ATG12: variants seen among roughly 807,000 people sequenced by gnomAD.
ATG12 encodes the protein ubiquitin-like protein ATG12.
In ATG12, 19 loss-of-function variants were observed where a neutral mutation model predicts 17.6. The observed-to-expected ratio is 1.08, with a 90% CI of 0.75 to 1.58. ATG12 has a LOEUF of 1.58. Ranked by LOEUF, ATG12 falls within the 40% of genes most tolerant of loss-of-function variation. The pLI, the probability that ATG12 is intolerant of heterozygous loss-of-function variation, is 0.00. For missense variants in ATG12, 214 were observed against 162.0 expected, an observed-to-expected ratio of 1.32 and a Z score of -1.74; for synonymous variants, 75 against 62.4, an observed-to-expected ratio of 1.20 and a Z score of -0.95.
rs903140763 is a variant in ATG12, at chr5:115,831,738, CTTTTCA to C, written c.*60_*65del. ...AAGTCTCTTGCCACAAGCATCAAAA[CTTTTCA>C]GAGCTGTCTCTTCCGTGAAAATCCA... On this transcript the variant is annotated 3_prime_UTR_variant, in exon 4 of 4. Transcript: ENST00000509910. 39 of 1,513,252 alleles carry C rather than the reference CTTTTCA, an allele frequency of 2.6e-5. No individual in the cohort carries two copies. Among genetic ancestry groups the C allele is most frequent in the Non-Finnish European group, 3.4e-5 (37 of 1,100,066 alleles). 93.7% of individuals were successfully genotyped at this position (1,513,252 alleles called of 1,614,324 possible). A position where few individuals can be genotyped will look rare whatever the true frequency, so the allele number is the denominator to read the frequency against.
intron 1 of ATG12, chr5:115,838,027 AAT>A: frequency 3.2e-6 from 1 of 315,028 alleles, no homozygotes; most frequent in Non-Finnish European, 5.8e-6. Flanking sequence ...ACAAATGATC[AAT>A]ACACAAACAA....
chr5:115,841,217 C>T (rs1761445566), intron 1 of ATG12, 173 bp downstream of exon 1: 2 of 800,342 alleles, frequency 2.5e-6, no homozygotes, highest in Admixed American at 5.7e-5. Flanking sequence ...TATTTTAACA[C>T]TCAACTTAAA....
Position 115,830,316 on chromosome 5 carries a change from T to C in ATG12, c.*1488A>G, listed in dbSNP as rs768321991. ...ATTTTCGATTTTTTGAGGTCTATCATCTGAACCCTCAGTGGCAAACAATAC... is the reference window on the plus strand; with the variant it reads ...ATTTTCGATTTTTTGAGGTCTATCACCTGAACCCTCAGTGGCAAACAATAC... On this transcript the variant is annotated 3_prime_UTR_variant, in exon 4 of 4. Transcript: ENST00000509910. 3.9e-5 allele frequency: 6 copies of C among 152,088 alleles called. No homozygotes were observed. Among genetic ancestry groups the C allele is most frequent in the Non-Finnish European group, 8.8e-5 (6 of 68,002 alleles). 9.4% of individuals were successfully genotyped at this position (152,088 alleles called of 1,614,324 possible).
rs769950972 is a variant in ATG12 at position 115,831,791 on chromosome 5, T to C, written c.*13A>G. 1.6e-5 allele frequency: 25 copies of C among 1,611,218 alleles called. No homozygotes were observed. The highest frequency in any genetic ancestry group is 5.1e-6 in the Non-Finnish European group (6 of 1,178,996). On this transcript the variant is annotated 3_prime_UTR_variant, in exon 4 of 4. Coordinates refer to ENST00000509910, the MANE Select transcript of ATG12 (RefSeq NM_004707.4). ...TCCATTTCATGTAGTAGCAAGTTGA[T>C]TTTCTTTGTGGTTCATCCCCACGCC... is the stretch of plus-strand genomic sequence containing the variant.
intron 2 of ATG12, chr5:115,834,416 C>T (rs1282126313): frequency 6.6e-6 from 1 of 152,170 alleles, no homozygotes; most frequent in Non-Finnish European, 1.5e-5. Flanking sequence ...TAATTTGTTA[C>T]TTTAAAGTAC....
At chr5:115,840,857 T>C (rs1450183768) in intron 1 of ATG12, 4 of 1,275,146 alleles carry the variant, frequency 3.1e-6, no homozygotes, top group East Asian at 5.6e-5. Flanking sequence ...GTAACATCTA[T>C]GCCTTTAGCT....
At chr5:115,834,078 T>TA (rs1279628055) in intron 2 of ATG12, 1 of 152,194 alleles carries the variant, frequency 6.6e-6, no homozygotes, top group African/African-American at 2.4e-5. Flanking sequence ...TACTCTAGCC[T>TA]AGCAAAAGGG....
Position 115,830,263 on chromosome 5 carries a change from T to C in ATG12, c.*1541A>G, listed in dbSNP as rs573808242. 7.0e-6 allele frequency: 1 copy of C among 141,848 alleles called. No homozygotes were observed. The highest frequency in any genetic ancestry group is 2.0e-4 in the East Asian group (1 of 4,922). 8.8% of individuals were successfully genotyped at this position (141,848 alleles called of 1,614,324 possible). On this transcript the variant is annotated 3_prime_UTR_variant, in exon 4 of 4. Transcript: ENST00000509910. ...AGTTATTTAGGTCAAAAAGAATAAC[T>C]AAATGGATGCTACAAATTTCAACCA...
At chr5:115,835,852 C>T (rs1761074829) in intron 2 of ATG12, among the ~76,000 whole-genome samples, 1 of 152,062 alleles carries the variant, frequency 6.6e-6, no homozygotes, top group Non-Finnish European at 1.5e-5. Context: ...GGTTTGTCCC[C>T]ACCAACATGT....
intron 1 of ATG12, chr5:115,839,382 G>C (rs1258301082): frequency 6.6e-6 from 1 of 152,112 alleles, no homozygotes; most frequent in Admixed American, 6.6e-5. Context: ...TTAGGAATAG[G>C]AATGAATTTG....
intron 2 of ATG12, chr5:115,832,899 T>C (rs2112719607): frequency 2.7e-6 from 1 of 377,224 alleles, no homozygotes; most frequent in South Asian, 1.3e-4. Context: ...TTCCTAACTT[T>C]GTATAACTAA....
Position 115,831,611 on chromosome 5 carries a change from G to A in ATG12, c.*193C>T. 3.2e-6 allele frequency: 2 copies of A among 627,570 alleles called. No homozygotes were observed. The highest frequency in any genetic ancestry group is 2.8e-6 in the Non-Finnish European group (1 of 354,530). 38.9% of individuals were successfully genotyped at this position (627,570 alleles called of 1,614,324 possible). A position where few individuals can be genotyped will look rare whatever the true frequency, so the allele number is the denominator to read the frequency against. ...TCATGACCATCTTTTATGATGACTG[G>A]TGCATTAATACAAATCACATTTTTC... On this transcript the variant is annotated 3_prime_UTR_variant, in exon 4 of 4. Coordinates refer to ENST00000509910, the MANE Select transcript of ATG12 (RefSeq NM_004707.4).
intron 2 of ATG12, among the ~76,000 whole-genome samples, chr5:115,836,008 A>C (rs1174421195): frequency 6.6e-6 from 1 of 152,152 alleles, no homozygotes; most frequent in African/African-American, 2.4e-5. Flanking sequence ...ATCTTCCCAG[A>C]ATTCCTAGCA....
Position 115,829,627 on chromosome 5 carries a change from C to T in ATG12, c.*2177G>A, listed in dbSNP as rs193095672. 69 of 152,204 alleles carry T rather than the reference C, an allele frequency of 4.5e-4. No individual in the cohort carries two copies. Among genetic ancestry groups the T allele is most frequent in the African/African-American group, 1.6e-3 (66 of 41,530 alleles). 9.4% of individuals were successfully genotyped at this position (152,204 alleles called of 1,614,324 possible). ...GTCACAAAGAAAATTTAAAATATCA[C>T]CTGAATGTTCAGTTTTTCCCCCAAG... is the stretch of plus-strand genomic sequence containing the variant. On this transcript the variant is annotated 3_prime_UTR_variant, in exon 4 of 4. Coordinates refer to ENST00000509910, the MANE Select transcript of ATG12 (RefSeq NM_004707.4).
chr5:115,840,763 A>C lies in ATG12; in HGVS notation c.163+627T>G, dbSNP rs919668738. 5.1e-6 allele frequency: 6 copies of C among 1,177,974 alleles called. No homozygotes were observed. The African/African-American group carries it at 9.7e-5, about 19-fold the overall frequency. The allele number at this position is 1,177,974 out of a possible 1,614,324, so 73.0% of individuals were successfully genotyped here. A position where few individuals can be genotyped will look rare whatever the true frequency, so the allele number is the denominator to read the frequency against. On this transcript the variant is annotated intron_variant, in intron 1 of 3. Coordinates refer to ENST00000509910, the MANE Select transcript of ATG12 (RefSeq NM_004707.4). The stretch of plus-strand genomic sequence containing the variant: ...AGCAATCTCTTTTACAAAGGGAAAC[A>C]TTCTCAAGCAATAAAGGGTTGAGGA...
intron 2 of ATG12, chr5:115,834,462 A>T (rs1761009111): frequency 6.6e-6 from 1 of 152,240 alleles, no homozygotes; most frequent in African/African-American, 2.4e-5. Flanking sequence ...GTAAAATTCC[A>T]TGGAAGTATT....
At chr5:115,840,331 CTTG>C (rs1192354114) in intron 1 of ATG12, among the ~76,000 whole-genome samples, 4 of 147,388 alleles carry the variant, frequency 2.7e-5, no homozygotes, top group Admixed American at 6.8e-5. Flanking sequence ...GAGTTTCGCT[CTTG>C]TTGTCCAGGC....
chr5:115,839,031 G>A (rs892736432), intron 1 of ATG12: 1 of 151,586 alleles, frequency 6.6e-6, no homozygotes, highest in Non-Finnish European at 1.5e-5. Flanking sequence ...GCTGAGACAG[G>A]GGAATAGCTT....
chr5:115,832,047 A>C (rs899631227), intron 3 of ATG12, among the ~76,000 whole-genome samples, 184 bp from the exon 4 acceptor site: 7 of 152,328 alleles, frequency 4.6e-5, no homozygotes, highest in African/African-American at 1.7e-4. Flanking sequence ...CTAAGTGTTT[A>C]ATAAAATCTG....
Sources: allele counts gnomAD v4.1 joint callset (sites outside exome capture counted in the v4.1 genomes callset), GRCh38; gene constraint gnomAD v4.1.1; transcripts MANE v1.5; gene names NCBI Gene and HGNC (gene_info 2026-07-23, HGNC 2026-07-21).